The following SSH1 variants were observed in gnomAD, a reference collection of about 807,000 sequenced individuals.
SSH1 encodes the protein protein phosphatase Slingshot homolog 1.
Under a neutral mutation model 79.7 loss-of-function variants are expected in SSH1, and 43 were observed. The observed-to-expected ratio is 0.54, with a 90% CI of 0.42 to 0.70. The LOEUF (loss-of-function observed/expected upper bound fraction) is 0.70. Among genes scored for constraint, SSH1 ranks in the 30% least tolerant of loss-of-function variants. The pLI is 0.00. For missense variants in SSH1, 1,206 were observed against 1,358.8 expected (o/e 0.89, Z 1.77); for synonymous variants, 599 against 538.3 (o/e 1.11, Z -1.56).
chr12:108,817,657 A>C (rs892739193), intron 4 of SSH1, among the ~76,000 whole-genome samples: 1 of 152,186 alleles, frequency 6.6e-6, no homozygotes, highest in African/African-American at 2.4e-5. Context: ...AGCACCAGGG[A>C]CGCCGCCTGG....
At chr12:108,835,696 G>C (rs1000313071) in intron 2 of SSH1, among the ~76,000 whole-genome samples, 4 of 152,040 alleles carry the variant, frequency 2.6e-5, no homozygotes, top group Non-Finnish European at 4.4e-5. Context: ...TTGGGGAGGG[G>C]GTGTGGGATC....
chr12:108,804,938 G>T, intron 10 of SSH1, 118 bp downstream of exon 10: 1 of 1,265,294 alleles, frequency 7.9e-7, no homozygotes, highest in Non-Finnish European at 1.1e-6. Flanking sequence ...CAGGATGGAG[G>T]CTCTGGCAAC....
intron 2 of SSH1, among the ~76,000 whole-genome samples, chr12:108,825,476 CTG>C (rs1376583821): frequency 6.6e-6 from 1 of 152,188 alleles, no homozygotes; most frequent in Non-Finnish European, 1.5e-5. Context: ...ACAATAAAAT[CTG>C]TTAGTTTTTC....
chr12:108,832,011 T>C (rs1269848149), intron 2 of SSH1, among the ~76,000 whole-genome samples: 3 of 152,328 alleles, frequency 2.0e-5, no homozygotes, highest in Middle Eastern at 3.4e-3. Flanking sequence ...GTTTTAAATA[T>C]GTAAATAATA....
In SSH1 at chr12:108,788,843, G is replaced by A. The variant is rs762988394; in HGVS notation, c.2295C>T (p.Asn765=). 2 of 1,614,202 alleles carry A rather than the reference G, an allele frequency of 1.2e-6. No homozygotes were observed. Among genetic ancestry groups the A allele is most frequent in the Admixed American group, 1.7e-5 (1 of 60,032 alleles). The change falls in exon 15 of 15, where the codon AAC becomes AAT. Residue 765 remains asparagine (N), a synonymous_variant. Coordinates refer to ENST00000326495, the MANE Select transcript of SSH1 (RefSeq NM_018984.4). ...TTATTACCACTTCTGTGCTGGGAGGGTTCTTATCACAGTGAGAATTCTTCA... is the reference window on the plus strand; with the variant it reads ...TTATTACCACTTCTGTGCTGGGAGGATTCTTATCACAGTGAGAATTCTTCA... ...LLLKNSHCDK[N]PPSTEVVIKE...
At chr12:108,850,279 A>G (rs1218523004) in intron 2 of SSH1, among the ~76,000 whole-genome samples, 1 of 1,354 alleles carries the variant, frequency 7.4e-4, no homozygotes, top group Non-Finnish European at 1.0e-3. Flanking sequence ...GGAGATGGGG[A>G]GGGGAGCTCC....
At chr12:108,810,291 G>A (rs1386109733) in intron 6 of SSH1, among the ~76,000 whole-genome samples, 1 of 152,094 alleles carries the variant, frequency 6.6e-6, no homozygotes, top group African/African-American at 2.4e-5. Flanking sequence ...GGAGGCCGAG[G>A]AGGGTGGATC....
chr12:108,839,059 A>G (rs1366902757), intron 2 of SSH1, among the ~76,000 whole-genome samples: 1 of 152,212 alleles, frequency 6.6e-6, no homozygotes, highest in Non-Finnish European at 1.5e-5. Flanking sequence ...TACTGTAGAT[A>G]CAACACACAT....
Position 108,795,016 on chromosome 12 carries a change from TC to T in SSH1, c.1350-2188del, listed in dbSNP as rs1342043504. On this transcript the variant is annotated intron_variant, in intron 13 of 14. Coordinates refer to ENST00000326495, the MANE Select transcript of SSH1 (RefSeq NM_018984.4). ...CAGATGAAGGCATACATGACTCTCT[TC>T]CCCCTACCCCGCTTCACATGAAAAT... Among the ~76,000 whole-genome samples the T allele has an allele frequency of 2.6e-5, 4 of 152,246 alleles. No individual in the cohort carries two copies. In the South Asian group the frequency reaches 6.2e-4, roughly 24 times the overall value.
chr12:108,835,449 A>G (rs75327866), intron 2 of SSH1, among the ~76,000 whole-genome samples: 2,943 of 151,746 alleles, frequency 0.019, 53 homozygotes, highest in African/African-American at 0.047. Flanking sequence ...ACAGAAAACA[A>G]AACAAACAAA....
intron 2 of SSH1, among the ~76,000 whole-genome samples, chr12:108,824,595 C>A (rs988013208): frequency 2.0e-5 from 3 of 152,148 alleles, no homozygotes; most frequent in African/African-American, 7.2e-5. Context: ...CAGAATGAAT[C>A]TTTGGCCTTT....
chr12:108,815,163 G>A (rs1321894340), intron 5 of SSH1, among the ~76,000 whole-genome samples: 1 of 152,216 alleles, frequency 6.6e-6, no homozygotes, highest in Non-Finnish European at 1.5e-5. Context: ...CATTCAGCAG[G>A]TCGACAGGAA....
intron 4 of SSH1, 64 bp downstream of exon 4, chr12:108,818,185 A>T: frequency 3.9e-6 from 5 of 1,288,364 alleles, no homozygotes; most frequent in Non-Finnish European, 5.6e-6. Context: ...GCAACAGAGC[A>T]AGACCCTCAT....
chr12:108,857,443 C>A lies in SSH1; in HGVS notation c.54G>T (p.Ser18=). 9.0e-7 allele frequency: 1 copy of A among 1,112,378 alleles called. No individual in the cohort carries two copies. The highest frequency in any genetic ancestry group is 9.8e-5 in the East Asian group (1 of 10,166). The allele number at this position is 1,112,378 out of a possible 1,614,324, so 68.9% of individuals were successfully genotyped here. The part of the protein sequence containing the change: ...RSPTPSAASS[S]ASNSELEAGS... ...CGGGGCTCACCTCGCTGTTGCTGGC[C>A]GAGGAGGAGGCGGCGCTGGGCGTGG... Residue 18 remains serine, a synonymous_variant, in exon 1 of 15, where the codon TCG becomes TCT. Coordinates refer to ENST00000326495, the MANE Select transcript of SSH1 (RefSeq NM_018984.4). This position sits in a 1 kb window ranked among gnomAD's most constrained non-coding sequence, Gnocchi z 4.7.
intron 1 of SSH1, among the ~76,000 whole-genome samples, chr12:108,854,039 A>G (rs2039097408): frequency 6.6e-6 from 1 of 152,218 alleles, no homozygotes; most frequent in African/African-American, 2.4e-5. Flanking sequence ...AAGTGGAAAG[A>G]GCAGGGAAGG....
At chr12:108,834,773 C>A (rs2038558173) in intron 2 of SSH1, among the ~76,000 whole-genome samples, 1 of 152,210 alleles carries the variant, frequency 6.6e-6, no homozygotes, top group Non-Finnish European at 1.5e-5. Context: ...TTTAACTTCA[C>A]AATGGGATGT....
intron 6 of SSH1, among the ~76,000 whole-genome samples, 186 bp downstream of exon 6, chr12:108,811,074 A>G (rs963946658): frequency 2.6e-5 from 4 of 152,118 alleles, no homozygotes; most frequent in Non-Finnish European, 5.9e-5. Flanking sequence ...AAACTCCCCA[A>G]TCAGACGTCC....
chr12:108,825,426 T>G (rs1303570240), intron 2 of SSH1, among the ~76,000 whole-genome samples: 1 of 152,230 alleles, frequency 6.6e-6, no homozygotes, highest in Non-Finnish European at 1.5e-5. Context: ...CAGCAGCTCC[T>G]GAGATCAGGA....
intron 2 of SSH1, among the ~76,000 whole-genome samples, chr12:108,851,452 A>G (rs1458742659): frequency 6.6e-6 from 1 of 152,006 alleles, no homozygotes; most frequent in African/African-American, 2.4e-5. Flanking sequence ...GATAAAACAG[A>G]CTATTTTTTT....
Sources: allele counts gnomAD v4.1 joint callset (sites outside exome capture counted in the v4.1 genomes callset), GRCh38; gene constraint gnomAD v4.1.1; non-coding constraint Gnocchi (gnomAD v3.1); transcripts MANE v1.5; gene names NCBI Gene and HGNC (gene_info 2026-07-23, HGNC 2026-07-21).